The following ABCC1 variants were observed in gnomAD, a reference collection of about 807,000 sequenced individuals.
The protein encoded by ABCC1 is ATP binding cassette subfamily C member 1 (ABCC1 blood group), also known as multidrug resistance-associated protein 1.
A neutral mutation model predicts 172.9 loss-of-function variants in ABCC1; 83 were observed. That is an observed-to-expected ratio of 0.48 (90% CI 0.40 to 0.58). The LOEUF is 0.58. ABCC1 is among the 20% of genes least tolerant of loss of function. The pLI, the probability that ABCC1 is intolerant of heterozygous loss-of-function variation, is 0.00. For synonymous variants in ABCC1, 937 were observed against 825.2 expected, an observed-to-expected ratio of 1.14 and a Z score of -2.32; for missense variants, 1,817 against 2,002.7, an observed-to-expected ratio of 0.91 and a Z score of 1.77.
chr16:16,085,897 G>A (rs950528979), intron 17 of ABCC1, among the ~76,000 whole-genome samples: 3 of 152,202 alleles, frequency 2.0e-5, no homozygotes, highest in South Asian at 2.1e-4. Context: ...ATAGGGAAAC[G>A]ACGTTGGCTT....
chr16:16,039,233 GTA>G (rs138423563), intron 7 of ABCC1, among the ~76,000 whole-genome samples: 21,188 of 133,492 alleles, frequency 0.16, 1,607 homozygotes, highest in Middle Eastern at 0.2. Flanking sequence ...GTGTGTGTGT[GTA>G]TGTATGTGTG....
intron 1 of ABCC1, among the ~76,000 whole-genome samples, chr16:15,960,899 C>G (rs1186800428): frequency 6.6e-6 from 1 of 151,970 alleles, no homozygotes; most frequent in Non-Finnish European, 1.5e-5. Context: ...CCTGGAATTT[C>G]CAGGGAAGGC....
intron 20 of ABCC1, among the ~76,000 whole-genome samples, chr16:16,105,803 A>G (rs544406359): frequency 1.4e-4 from 21 of 150,616 alleles, no homozygotes; most frequent in South Asian, 4.3e-4. Flanking sequence ...CTGAACGGAA[A>G]ACTGTGGGCG....
At chr16:16,005,994 GAAAA>G (rs202150575) in intron 1 of ABCC1, among the ~76,000 whole-genome samples, 4 of 97,624 alleles carry the variant, frequency 4.1e-5, no homozygotes, top group Middle Eastern at 4.3e-3. Flanking sequence ...ACTCTGTCAA[GAAAA>G]AAAAAAATAA....
At chr16:16,108,574 CT>C (rs766959007) in intron 21 of ABCC1, among the ~76,000 whole-genome samples, 5,954 of 137,610 alleles carry the variant, frequency 0.043, 125 homozygotes, top group African/African-American at 0.064. Context: ...TGCGCCCGGC[CT>C]TTTTTTTTTT....
At chr16:16,116,848 A>G (rs2044899860) in intron 23 of ABCC1, among the ~76,000 whole-genome samples, 1 of 152,154 alleles carries the variant, frequency 6.6e-6, no homozygotes, top group South Asian at 2.1e-4. Flanking sequence ...GCATTGACCC[A>G]CTGAGCCCAG....
intron 12 of ABCC1, among the ~76,000 whole-genome samples, chr16:16,061,757 T>G (rs948450934): frequency 6.8e-6 from 1 of 147,932 alleles, no homozygotes; most frequent in East Asian, 2.0e-4. Context: ...AAAATGGCTT[T>G]TTTTTTCTTT....
intron 12 of ABCC1, 191 bp downstream of exon 12, chr16:16,056,486 G>A: frequency 1.6e-6 from 1 of 621,530 alleles, no homozygotes; most frequent in South Asian, 2.0e-5. Context: ...GGCCAACATG[G>A]TGAAACCCAG....
Position 16,111,583 on chromosome 16 carries a change from G to A in ABCC1, c.3079+1G>A. 6.2e-7 allele frequency: 1 copy of A among 1,612,056 alleles called. No individual in the cohort carries two copies. The highest frequency in any genetic ancestry group is 8.5e-7 in the Non-Finnish European group (1 of 1,179,578). ...TATGGAGCCCTGGGCATTTCACAAG[G>A]TTGGTGCCGCTGTCTCCCACCCCGC... On this transcript the variant is annotated splice_donor_variant, in intron 22 of 30. Coordinates refer to ENST00000399410, the MANE Select transcript of ABCC1 (RefSeq NM_004996.4). LOFTEE classifies it high-confidence loss of function.
intron 1 of ABCC1, among the ~76,000 whole-genome samples, chr16:15,998,667 T>G (rs1029598859): frequency 6.6e-6 from 1 of 152,206 alleles, no homozygotes; most frequent in African/African-American, 2.4e-5. Context: ...TAGCCTGTGC[T>G]CTTCAATTTG....
At chr16:15,949,930 C>A in intron 1 of ABCC1, 131 bp downstream of exon 1, 3 of 742,434 alleles carry the variant, frequency 4.0e-6, no homozygotes, top group Non-Finnish European at 5.2e-6. Context: ...CCGGGACCCT[C>A]ACGTCGCCCG....
At chr16:15,999,796 T>TC (rs2047195423) in intron 1 of ABCC1, among the ~76,000 whole-genome samples, 1 of 32,894 alleles carries the variant, frequency 3.0e-5, no homozygotes, top group African/African-American at 7.7e-5. Flanking sequence ...TCTCTCTCTC[T>TC]CTCTCTCTCT....
intron 12 of ABCC1, among the ~76,000 whole-genome samples, 191 bp from the exon 13 acceptor site, chr16:16,067,965 C>A (rs1015958929): frequency 4.6e-5 from 7 of 152,032 alleles, no homozygotes; most frequent in Non-Finnish European, 8.8e-5. Flanking sequence ...TTATCCAGTT[C>A]ATTCCCAGAG....
At position 16,010,833 on chromosome 16, in the gene ABCC1, C is replaced by T. The variant is rs45463596; in HGVS notation, c.351+932C>T. Among the ~76,000 whole-genome samples the T allele has an allele frequency of 6.8e-4, 104 of 152,224 alleles. 3 individuals are homozygous for T. The East Asian group carries it at 0.017, about 25-fold the overall frequency. ...CAAGATCACACCACTAATGTGCAGC[C>T]GAGTCAGGGGTGGGACCCCAGATGC... On this transcript the variant is annotated intron_variant, in intron 3 of 30. Transcript: ENST00000399410.
Position 16,125,457 on chromosome 16 carries a change from C to G in ABCC1, c.3718-353C>G, listed in dbSNP as rs546922275. On this transcript the variant is annotated intron_variant, in intron 25 of 30. Coordinates refer to ENST00000399410, the MANE Select transcript of ABCC1 (RefSeq NM_004996.4). ...TATTTATTTTTTTTGGAGACGGAATCTCACTCTGTCACCCAGGCTGGAATG... is the reference window on the plus strand; with the variant it reads ...TATTTATTTTTTTTGGAGACGGAATGTCACTCTGTCACCCAGGCTGGAATG... 3.9e-5 allele frequency among the ~76,000 whole-genome samples: 6 copies of G among 152,122 alleles called. No homozygotes were observed. In the East Asian group the frequency reaches 1.2e-3, roughly 29 times the overall value.
At chr16:16,027,514 A>G (rs747506717) in intron 5 of ABCC1, among the ~76,000 whole-genome samples, 1 of 152,146 alleles carries the variant, frequency 6.6e-6, no homozygotes, top group Non-Finnish European at 1.5e-5. Context: ...TATATTGACA[A>G]ATAAAAATGG....
Position 16,044,709 on chromosome 16 carries a change from C to T in ABCC1, c.1040+29C>T, listed in dbSNP as rs1209999030. ...AGACCCCTTCCCTCCCAGGTGGGCTCCATTTTCCCTCCTTGGCTTTGATCT... is the reference window on the plus strand; with the variant it reads ...AGACCCCTTCCCTCCCAGGTGGGCTTCATTTTCCCTCCTTGGCTTTGATCT... On this transcript the variant is annotated intron_variant, in intron 8 of 30. Coordinates refer to ENST00000399410, the MANE Select transcript of ABCC1 (RefSeq NM_004996.4). The T allele has an allele frequency of 2.5e-6, 4 of 1,586,830 alleles. No homozygotes were observed. In the South Asian group the frequency reaches 3.3e-5, roughly 13 times the overall value.
rs1017576012 is a variant in ABCC1, at chr16:16,083,290, G to A, written c.2116-76G>A. 32 of 1,427,824 alleles carry A rather than the reference G, an allele frequency of 2.2e-5. No homozygotes were observed. The East Asian group carries it at 4.1e-4, about 18-fold the overall frequency. The allele number at this position is 1,427,824 out of a possible 1,614,324, so 88.4% of individuals were successfully genotyped here. On this transcript the variant is annotated intron_variant, in intron 16 of 30. Coordinates refer to ENST00000399410, the MANE Select transcript of ABCC1 (RefSeq NM_004996.4). Reference sequence around the variant, plus strand: ...GTGAAGTGAGGCCCTCCTAGCAGGCGGGTGGGCCAGCTGTTGTCTCGTTGA... The same window carrying A: ...GTGAAGTGAGGCCCTCCTAGCAGGCAGGTGGGCCAGCTGTTGTCTCGTTGA...
intron 10 of ABCC1, among the ~76,000 whole-genome samples, chr16:16,050,880 G>T (rs925895493): frequency 6.6e-6 from 1 of 151,914 alleles, no homozygotes; most frequent in African/African-American, 2.4e-5. Flanking sequence ...CTCCTACCTG[G>T]GTGACAAGGC....
Sources: gnomAD v4.1 joint callset for allele counts (sites outside exome capture counted in the v4.1 genomes callset) on GRCh38, gnomAD v4.1.1 for gene constraint, MANE v1.5 for transcripts, NCBI Gene and HGNC (gene_info 2026-07-23, HGNC 2026-07-21) for gene names.